Variants in SPOCK1 observed in about 807,000 individuals in gnomAD.
SPOCK1 encodes the protein SPARC (osteonectin), cwcv and kazal like domains proteoglycan 1, also known as testican-1.
A neutral mutation model predicts 55.3 loss-of-function variants in SPOCK1; 23 were observed. The ratio of observed to expected loss-of-function variants is 0.42; its 90% CI spans 0.30 to 0.59. SPOCK1 has a LOEUF of 0.59. Among genes scored for constraint, SPOCK1 ranks in the 20% least tolerant of loss-of-function variants. SPOCK1 has a pLI of 0.22. For synonymous variants in SPOCK1, 226 were observed against 221.0 expected, an observed-to-expected ratio of 1.02 and a Z score of -0.20; for missense variants, 499 against 552.5, an observed-to-expected ratio of 0.90 and a Z score of 0.97.
chr5:137,189,576 TC>T (rs750344909), intron 3 of SPOCK1, among the ~76,000 whole-genome samples: 11 of 152,220 alleles, frequency 7.2e-5, no homozygotes, highest in Non-Finnish European at 1.3e-4. Flanking sequence ...ATAATACTGC[TC>T]ATTCACAATG....
intron 2 of SPOCK1, among the ~76,000 whole-genome samples, chr5:137,268,719 G>A (rs938580744): frequency 2.1e-5 from 2 of 94,378 alleles, no homozygotes; most frequent in Non-Finnish European, 4.3e-5. Flanking sequence ...TCTCACAAGT[G>A]GAGAAAAAAA....
In SPOCK1 at chr5:137,256,381, AT is replaced by A. The variant is rs1339848685; in HGVS notation, c.232+10628del. ...GGTAATTTATAACAAACAGAAATGT[AT>A]TTGGCTTATGGTTCTGGAGTCTGAG... On this transcript the variant is annotated intron_variant, in intron 3 of 10. Coordinates refer to ENST00000394945, the MANE Select transcript of SPOCK1 (RefSeq NM_004598.4). Among the ~76,000 whole-genome samples, 4 of 152,272 alleles carry A rather than the reference AT, an allele frequency of 2.6e-5. No individual in the cohort carries two copies. The East Asian group carries it at 7.7e-4, about 29-fold the overall frequency.
At chr5:137,295,315 T>C (rs2905549) in intron 2 of SPOCK1, among the ~76,000 whole-genome samples, 129,616 of 152,180 alleles carry the variant, frequency 0.85, 55,430 homozygotes, top group African/African-American at 0.92. Context: ...ACTGTGTTGC[T>C]CTAAATGTCA....
At chr5:136,986,404 T>A (rs559793434) in intron 8 of SPOCK1, among the ~76,000 whole-genome samples, 1 of 152,250 alleles carries the variant, frequency 6.6e-6, no homozygotes, top group East Asian at 1.9e-4. Context: ...AACCTAAAAC[T>A]ATCACTAGTC....
chr5:137,148,730 G>A (rs1050849444), intron 3 of SPOCK1, among the ~76,000 whole-genome samples: 1 of 150,312 alleles, frequency 6.7e-6, no homozygotes, highest in Non-Finnish European at 1.5e-5. Context: ...ACAGAGATCA[G>A]ATCATTCTTA....
At chr5:137,213,003 G>C (rs978119241) in intron 3 of SPOCK1, among the ~76,000 whole-genome samples, 40 of 152,154 alleles carry the variant, frequency 2.6e-4, no homozygotes, top group African/African-American at 8.0e-4. Context: ...ATGAGTCTTG[G>C]TTTCAATGCA....
At chr5:137,255,815 A>G (rs973900715) in intron 3 of SPOCK1, among the ~76,000 whole-genome samples, 12 of 152,240 alleles carry the variant, frequency 7.9e-5, no homozygotes, top group African/African-American at 2.9e-4. Flanking sequence ...CAGTGGCTCC[A>G]GTGGGCTCAG....
At chr5:137,458,669 T>C (rs569212077) in intron 2 of SPOCK1, among the ~76,000 whole-genome samples, 1 of 151,896 alleles carries the variant, frequency 6.6e-6, no homozygotes, top group Admixed American at 6.6e-5. Context: ...TGTTTGTTCG[T>C]TTTTTTTAGC....
chr5:137,370,647 T>C (rs1340781888), intron 2 of SPOCK1, among the ~76,000 whole-genome samples: 1 of 152,206 alleles, frequency 6.6e-6, no homozygotes. Context: ...ATTTAGCTAA[T>C]GTGGTAAAGT....
intron 3 of SPOCK1, among the ~76,000 whole-genome samples, chr5:137,208,719 G>A (rs1400145904): frequency 6.6e-6 from 1 of 152,112 alleles, no homozygotes; most frequent in Non-Finnish European, 1.5e-5. Flanking sequence ...GTGGGAGGGA[G>A]GAAATGGGGC....
intron 2 of SPOCK1, among the ~76,000 whole-genome samples, chr5:137,270,082 C>T (rs1489508944): frequency 1.3e-5 from 2 of 152,152 alleles, no homozygotes; most frequent in African/African-American, 4.8e-5. Context: ...TGTGTGGGCC[C>T]CACACTTAAG....
At chr5:137,490,921 C>T (rs1754162580) in intron 2 of SPOCK1, among the ~76,000 whole-genome samples, 1 of 152,114 alleles carries the variant, frequency 6.6e-6, no homozygotes, top group Non-Finnish European at 1.5e-5. Flanking sequence ...ACTGACTCCC[C>T]CAACATGTTT....
chr5:137,195,022 A>G (rs1372803644), intron 3 of SPOCK1, among the ~76,000 whole-genome samples: 1 of 152,064 alleles, frequency 6.6e-6, no homozygotes, highest in Non-Finnish European at 1.5e-5. Context: ...CACATCCAAC[A>G]CGTGAGTGAG....
chr5:137,259,486 T>G (rs1756704240), intron 3 of SPOCK1, among the ~76,000 whole-genome samples: 1 of 151,732 alleles, frequency 6.6e-6, no homozygotes, highest in Non-Finnish European at 1.5e-5. Context: ...CTGGGGCCTG[T>G]TGGGGGATGG....
intron 3 of SPOCK1, among the ~76,000 whole-genome samples, chr5:137,178,053 G>A (rs1293115954): frequency 6.6e-6 from 1 of 152,176 alleles, no homozygotes; most frequent in African/African-American, 2.4e-5. Flanking sequence ...GGTGAGCAGA[G>A]AAAAGATGAA....
intron 2 of SPOCK1, among the ~76,000 whole-genome samples, chr5:137,283,455 T>C (rs983714121): frequency 4.6e-5 from 7 of 152,194 alleles, no homozygotes; most frequent in African/African-American, 1.7e-4. Flanking sequence ...GGCTCAGGCC[T>C]GTAATCCCAG....
At chr5:137,374,483 G>C (rs185245998) in intron 2 of SPOCK1, among the ~76,000 whole-genome samples, 21 of 152,172 alleles carry the variant, frequency 1.4e-4, no homozygotes, top group Non-Finnish European at 2.9e-4. Context: ...GCTGACCACA[G>C]GTTCCTGCAC....
chr5:137,089,477 C>A (rs1022834617), intron 5 of SPOCK1, among the ~76,000 whole-genome samples: 12 of 152,116 alleles, frequency 7.9e-5, no homozygotes, highest in Non-Finnish European at 1.8e-4. Context: ...GGCCTTGGAG[C>A]CAGTGACCTG....
chr5:137,032,031 C>CAT (rs113446652), intron 6 of SPOCK1, among the ~76,000 whole-genome samples: 1 of 147,450 alleles, frequency 6.8e-6, no homozygotes, highest in African/African-American at 2.5e-5. Context: ...ATATATTCCC[C>CAT]ATATATATAT....
Sources: gnomAD v4.1 joint callset for allele counts (sites outside exome capture counted in the v4.1 genomes callset) on GRCh38, gnomAD v4.1.1 for gene constraint, MANE v1.5 for transcripts, NCBI Gene and HGNC (gene_info 2026-07-23, HGNC 2026-07-21) for gene names.